COL14A1: variants seen among roughly 807,000 people sequenced by gnomAD.
The protein encoded by COL14A1 is collagen type XIV alpha 1 chain.
Under a neutral mutation model 230.3 loss-of-function variants are expected in COL14A1, and 136 were observed. That is an observed-to-expected ratio of 0.59 (90% CI 0.51 to 0.68). The LOEUF (loss-of-function observed/expected upper bound fraction) is 0.68, where lower values mean the gene tolerates loss of function less well. Among genes scored for constraint, COL14A1 ranks in the 30% least tolerant of loss-of-function variants. The probability of loss-of-function intolerance (pLI) is 0.00; values close to 1 mark genes in which losing one functional copy is unlikely to be tolerated. For missense variants in COL14A1, 1,976 were observed against 2,215.8 expected, an observed-to-expected ratio of 0.89 and a Z score of 2.17; for synonymous variants, 792 against 784.1, an observed-to-expected ratio of 1.01 and a Z score of -0.17.
chr8:120,195,260 A>G (rs1488302555), intron 5 of COL14A1, among the ~76,000 whole-genome samples: 1 of 152,138 alleles, frequency 6.6e-6, no homozygotes, highest in African/African-American at 2.4e-5. Flanking sequence ...TTTTTTAAGT[A>G]AAAGCATATT....
At position 120,280,008 on chromosome 8, in the gene COL14A1, C is replaced by T. The variant is rs573149185; in HGVS notation, c.3555C>T (p.Ser1185=). 17 of 1,613,846 alleles carry T rather than the reference C, an allele frequency of 1.1e-5. No individual in the cohort carries two copies. Among genetic ancestry groups the T allele is most frequent in the East Asian group, 2.2e-5 (1 of 44,874 alleles). ...TGGTTAGCATTGGCAGTAAGCCCAG[C>T]GCACGCCATGTCTTCTTTGTGGATG... ...SELVSIGSKP[S]ARHVFFVDDF... Residue 1185 remains serine, a synonymous_variant, in exon 29 of 48, where the codon AGC becomes AGT. Transcript: ENST00000297848.
chr8:120,230,345 C>T (rs1818228395), intron 18 of COL14A1, among the ~76,000 whole-genome samples: 1 of 152,274 alleles, frequency 6.6e-6, no homozygotes, highest in African/African-American at 2.4e-5. Context: ...CTTGGTAAAA[C>T]ACAAGTTTGA....
At chr8:120,153,522 TG>T (rs1458627683) in intron 2 of COL14A1, among the ~76,000 whole-genome samples, 1 of 152,214 alleles carries the variant, frequency 6.6e-6, no homozygotes, top group Non-Finnish European at 1.5e-5. Context: ...TTAGATTACT[TG>T]GAAAAATAGC....
At chr8:120,220,669 T>G (rs1164177177) in intron 14 of COL14A1, among the ~76,000 whole-genome samples, 1 of 152,182 alleles carries the variant, frequency 6.6e-6, no homozygotes, top group East Asian at 1.9e-4. Flanking sequence ...TCCCTCTGCA[T>G]CTTTTCTGCA....
At chr8:120,272,359 C>CA (rs1819693138) in intron 26 of COL14A1, among the ~76,000 whole-genome samples, 1 of 151,642 alleles carries the variant, frequency 6.6e-6, no homozygotes, top group Admixed American at 6.6e-5. Flanking sequence ...GCATAAAACT[C>CA]ATAGGGCCTA....
At chr8:120,212,061 A>G (rs1817629439) in intron 12 of COL14A1, among the ~76,000 whole-genome samples, 1 of 152,236 alleles carries the variant, frequency 6.6e-6, no homozygotes, top group South Asian at 2.1e-4. Context: ...AAATACTGAA[A>G]GATGCCCACT....
chr8:120,284,686 A>G (rs1343822374), intron 32 of COL14A1, among the ~76,000 whole-genome samples: 1 of 152,224 alleles, frequency 6.6e-6, no homozygotes, highest in African/African-American at 2.4e-5. Context: ...ATTAAAACTA[A>G]GGAAAAGCTG....
intron 2 of COL14A1, among the ~76,000 whole-genome samples, chr8:120,153,164 A>T (rs891318784): frequency 2.0e-5 from 3 of 152,320 alleles, no homozygotes; most frequent in Admixed American, 6.5e-5. Flanking sequence ...ACTGAAAAAA[A>T]TGACTAACAT....
At chr8:120,366,671 A>C (rs746272870) in intron 45 of COL14A1, among the ~76,000 whole-genome samples, 9 of 152,240 alleles carry the variant, frequency 5.9e-5, no homozygotes, top group Non-Finnish European at 8.8e-5. Flanking sequence ...AATCAGCCAA[A>C]TCAAACACAG....
rs942678668 is a variant in COL14A1 at position 120,372,047 on chromosome 8, C to A, written c.*816C>A. On this transcript the variant is annotated 3_prime_UTR_variant, in exon 48 of 48. Transcript: ENST00000297848. ...AACTTTAAAACAATGTATGTGGATTCTTTTTCCTGCATTTCTAAGTATCAC... is the reference window on the plus strand; with the variant it reads ...AACTTTAAAACAATGTATGTGGATTATTTTTCCTGCATTTCTAAGTATCAC... 5 of 159,358 alleles carry A rather than the reference C, an allele frequency of 3.1e-5. No individual in the cohort carries two copies. Among genetic ancestry groups the A allele is most frequent in the Admixed American group, 1.3e-4 (2 of 15,524 alleles). The allele number at this position is 159,358 out of a possible 1,614,324, so 9.9% of individuals were successfully genotyped here. A position where few individuals can be genotyped will look rare whatever the true frequency, so the allele number is the denominator to read the frequency against.
rs80102226 is a variant in COL14A1 at position 120,150,515 on chromosome 8, G to A, written c.88+2585G>A. ...AAGATAAATCAAGTTTCTTGATGGA[G>A]ACCTGAGCAGATAGGGTCTTTCATC... On this transcript the variant is annotated intron_variant, in intron 2 of 47. Coordinates refer to ENST00000297848, the MANE Select transcript of COL14A1 (RefSeq NM_021110.4). 9.1e-3 allele frequency among the ~76,000 whole-genome samples: 1,388 copies of A among 152,218 alleles called. 10 individuals are homozygous for A. The highest frequency in any genetic ancestry group is 0.015 in the Admixed American group (233 of 15,284).
chr8:120,126,425 C>G (rs1031258912), intron 1 of COL14A1, among the ~76,000 whole-genome samples: 6 of 152,306 alleles, frequency 3.9e-5, no homozygotes, highest in African/African-American at 1.2e-4. Context: ...CAGGATTTCC[C>G]CCCAAACATT....
intron 40 of COL14A1, among the ~76,000 whole-genome samples, chr8:120,324,730 T>C (rs1821599728): frequency 6.6e-6 from 1 of 152,110 alleles, no homozygotes; most frequent in African/African-American, 2.4e-5. Context: ...AATCTTAAGG[T>C]TAGTATCATG....
intron 22 of COL14A1, among the ~76,000 whole-genome samples, chr8:120,251,647 T>C (rs1392409086): frequency 6.6e-6 from 1 of 152,236 alleles, no homozygotes; most frequent in Non-Finnish European, 1.5e-5. Context: ...TGTTTATTTA[T>C]TTGGATTGAC....
rs182756780 is a variant in COL14A1 at position 120,361,098 on chromosome 8, T to A, written c.5078-6073T>A. On this transcript the variant is annotated intron_variant, in intron 45 of 47. Coordinates refer to ENST00000297848, the MANE Select transcript of COL14A1 (RefSeq NM_021110.4). ...CTCATTGTCTCTACTCTCCTACAGG[T>A]AATAGTGGCTCCATGTTCTTGCCAA... 1.5e-3 allele frequency among the ~76,000 whole-genome samples: 232 copies of A among 151,998 alleles called. 3 individuals are homozygous for A. In the Middle Eastern group the frequency reaches 0.017, roughly 11 times the overall value.
chr8:120,331,547 A>T (rs918435693), intron 40 of COL14A1, among the ~76,000 whole-genome samples: 2 of 152,220 alleles, frequency 1.3e-5, no homozygotes, highest in Non-Finnish European at 2.9e-5. Context: ...AAAGAACATC[A>T]CTTGCTTTCT....
rs756908911 is a variant in COL14A1, at chr8:120,280,906, T to C, written c.3686-15T>C. On this transcript the variant is annotated splice_polypyrimidine_tract_variant and intron_variant, in intron 30 of 47. Coordinates refer to ENST00000297848, the MANE Select transcript of COL14A1 (RefSeq NM_021110.4). Reference sequence around the variant, plus strand: ...CCTTATGTTTATTCTTTTTCTACTTTTTTTTTTTTTTTAGGATTTAAGATG... The same window carrying C: ...CCTTATGTTTATTCTTTTTCTACTTCTTTTTTTTTTTTAGGATTTAAGATG... 1,411 of 676,332 alleles carry C rather than the reference T, an allele frequency of 2.1e-3. No homozygotes were observed. Among genetic ancestry groups the C allele is most frequent in the Middle Eastern group, 2.7e-3 (7 of 2,622 alleles). 41.9% of individuals were successfully genotyped at this position (676,332 alleles called of 1,614,324 possible).
chr8:120,266,532 T>C (rs977473397), intron 24 of COL14A1, among the ~76,000 whole-genome samples: 1 of 152,064 alleles, frequency 6.6e-6, no homozygotes, highest in Admixed American at 6.6e-5. Flanking sequence ...GTTGGCAGGA[T>C]TCCTGCCTTA....
intron 29 of COL14A1, 89 bp downstream of exon 29, chr8:120,280,188 A>T (rs1231563085): frequency 3.5e-6 from 5 of 1,440,618 alleles, no homozygotes; most frequent in Non-Finnish European, 3.8e-6. Context: ...TCTAGATCTG[A>T]GAAAAGAATA....
Sources: gnomAD v4.1 joint callset for allele counts (sites outside exome capture counted in the v4.1 genomes callset) on GRCh38, gnomAD v4.1.1 for gene constraint, MANE v1.5 for transcripts, NCBI Gene and HGNC (gene_info 2026-07-23, HGNC 2026-07-21) for gene names.